Variants in TYW1 observed in about 807,000 individuals in gnomAD.
The protein encoded by TYW1 is tRNA-yW synthesizing protein 1 homolog.
TYW1 carries 46 observed loss-of-function variants against 96.2 expected under a neutral mutation model. The observed-to-expected ratio is 0.48, with a 90% CI of 0.38 to 0.61. The LOEUF is 0.61. Among genes scored for constraint, TYW1 ranks in the 20% least tolerant of loss-of-function variants. TYW1 has a pLI of 0.00. For synonymous variants in TYW1, 274 were observed against 323.0 expected, an observed-to-expected ratio of 0.85 and a Z score of 1.63; for missense variants, 684 against 909.6, an observed-to-expected ratio of 0.75 and a Z score of 3.19.
At chr7:67,089,808 A>G (rs1365354595) in intron 11 of TYW1, among the ~76,000 whole-genome samples, 1 of 152,196 alleles carries the variant, frequency 6.6e-6, no homozygotes, top group Non-Finnish European at 1.5e-5. Flanking sequence ...TTTTATATAC[A>G]TACAAAATTA....
At position 67,021,865 on chromosome 7, in the gene TYW1, A is replaced by G. The variant is rs561481295; in HGVS notation, c.862-3035A>G. Among the ~76,000 whole-genome samples the G allele has an allele frequency of 9.6e-4, 146 of 152,360 alleles. 4 individuals are homozygous for G. In the South Asian group the frequency reaches 0.03, roughly 31 times the overall value. ...TTGAGTCTAAGGAGAAGTTATCAAG[A>G]AGAGTCTAGGACAAGGACCAGCAAA... On this transcript the variant is annotated intron_variant, in intron 6 of 15. Transcript: ENST00000359626.
intron 11 of TYW1, 25 bp downstream of exon 11, chr7:67,083,564 A>T (rs376238583): frequency 6.2e-7 from 1 of 1,612,268 alleles, no homozygotes; most frequent in Non-Finnish European, 8.5e-7. Flanking sequence ...TCTACAAAGG[A>T]ATGCTAATAC....
At chr7:67,124,415 A>G (rs1797857808) in intron 13 of TYW1, among the ~76,000 whole-genome samples, 3 of 151,744 alleles carry the variant, frequency 2.0e-5, no homozygotes, top group Admixed American at 2.0e-4. Flanking sequence ...TTTTTTTTTG[A>G]GAGATGGGGT....
At chr7:67,174,436 A>G (rs1438291086) in intron 13 of TYW1, among the ~76,000 whole-genome samples, 1 of 151,198 alleles carries the variant, frequency 6.6e-6, no homozygotes, top group Admixed American at 6.6e-5. Context: ...AAATTTGCCA[A>G]GAGCTGCCAA....
chr7:67,077,652 T>C (rs932514560), intron 10 of TYW1, among the ~76,000 whole-genome samples: 1 of 152,004 alleles, frequency 6.6e-6, no homozygotes, highest in African/African-American at 2.4e-5. Flanking sequence ...ATCCCTTGTT[T>C]GATGAATGGT....
intron 13 of TYW1, among the ~76,000 whole-genome samples, chr7:67,182,908 AAT>A (rs1036088331): frequency 2.1e-4 from 32 of 151,736 alleles, no homozygotes; most frequent in Admixed American, 1.6e-3. Flanking sequence ...AGAGAAAATA[AAT>A]ATGTCAGTAT....
rs567750785 is a variant in TYW1 at position 67,007,825 on chromosome 7, G to A, written c.274-1758G>A. Among the ~76,000 whole-genome samples, 5 of 152,090 alleles carry A rather than the reference G, an allele frequency of 3.3e-5. No homozygotes were observed. In the South Asian group the frequency reaches 8.3e-4, roughly 25 times the overall value. On this transcript the variant is annotated intron_variant, in intron 3 of 15. Coordinates refer to ENST00000359626, the MANE Select transcript of TYW1 (RefSeq NM_018264.4). Reference sequence around the variant, plus strand: ...AATTTTTGTATTTTTAGTAGAGATGGGGTTTCACCATGTTGGTCTGGCTGG... The same window carrying A: ...AATTTTTGTATTTTTAGTAGAGATGAGGTTTCACCATGTTGGTCTGGCTGG...
At chr7:66,999,271 G>C (rs1362133233) in intron 3 of TYW1, among the ~76,000 whole-genome samples, 1 of 152,186 alleles carries the variant, frequency 6.6e-6, no homozygotes, top group Non-Finnish European at 1.5e-5. Flanking sequence ...ATGCCCATGG[G>C]TATGGAAGTA....
At chr7:67,120,189 C>T (rs1797719258) in intron 13 of TYW1, among the ~76,000 whole-genome samples, 1 of 151,986 alleles carries the variant, frequency 6.6e-6, no homozygotes, top group African/African-American at 2.4e-5. Context: ...TCAAGTGATT[C>T]TCATGCCTCA....
chr7:67,190,962 AC>A, intron 14 of TYW1, among the ~76,000 whole-genome samples: 1 of 152,276 alleles, frequency 6.6e-6, no homozygotes, highest in East Asian at 1.9e-4. Context: ...AGTGAGGAAG[AC>A]TTTATGGCCC....
intron 15 of TYW1, among the ~76,000 whole-genome samples, chr7:67,207,681 CT>C (rs11286327): frequency 0.15 from 17,641 of 116,386 alleles, 1,501 homozygotes; most frequent in East Asian, 0.28. Flanking sequence ...TTTTGTTTGC[CT>C]TTTTTTTTTT....
intron 14 of TYW1, among the ~76,000 whole-genome samples, chr7:67,194,213 A>T (rs1180358894): frequency 1.3e-5 from 2 of 152,194 alleles, no homozygotes; most frequent in South Asian, 4.1e-4. Flanking sequence ...TTGGTGAAAT[A>T]CATGTGTATA....
chr7:67,051,885 C>T (rs1437970622), intron 8 of TYW1, among the ~76,000 whole-genome samples: 1 of 152,058 alleles, frequency 6.6e-6, no homozygotes, highest in Non-Finnish European at 1.5e-5. Flanking sequence ...ATCACTGTGT[C>T]TTCAAGTTCA....
In TYW1 at chr7:67,234,363, AAAAG is replaced by A. The variant is rs1801822576; in HGVS notation, c.1978-3944_1978-3941del. 2.6e-5 allele frequency among the ~76,000 whole-genome samples: 4 copies of A among 151,056 alleles called. No homozygotes were observed. The South Asian group carries it at 8.4e-4, about 32-fold the overall frequency. On this transcript the variant is annotated intron_variant, in intron 15 of 15. Coordinates refer to ENST00000359626, the MANE Select transcript of TYW1 (RefSeq NM_018264.4). ...ACCTATCTCTTAAAAAAAAAAAAAA[AAAAG>A]GAAGAAGAGACATGAGAGGGCCCAA...
chr7:67,209,633 C>T (rs943365698), intron 15 of TYW1, among the ~76,000 whole-genome samples: 6 of 152,104 alleles, frequency 3.9e-5, no homozygotes, highest in African/African-American at 1.4e-4. Context: ...AGTGCAGTGG[C>T]GCGATCTCAG....
chr7:67,068,902 G>A (rs3980723), intron 10 of TYW1, among the ~76,000 whole-genome samples: 2 of 152,118 alleles, frequency 1.3e-5, no homozygotes, highest in Non-Finnish European at 2.9e-5. Flanking sequence ...GGCCCAGACT[G>A]GACATTTCTT....
At chr7:67,070,073 A>G (rs1795986538) in intron 10 of TYW1, among the ~76,000 whole-genome samples, 1 of 152,274 alleles carries the variant, frequency 6.6e-6, no homozygotes, top group South Asian at 2.1e-4. Flanking sequence ...TCTGGCCTCC[A>G]TGGTTTCTGC....
chr7:67,082,713 G>C (rs145116834), intron 10 of TYW1, among the ~76,000 whole-genome samples: 1 of 152,222 alleles, frequency 6.6e-6, no homozygotes, highest in Non-Finnish European at 1.5e-5. Context: ...TGTCTGTCTT[G>C]GGGGTGGTCT....
chr7:67,119,596 G>T (rs1226382558), intron 13 of TYW1, among the ~76,000 whole-genome samples: 5 of 152,096 alleles, frequency 3.3e-5, no homozygotes, highest in African/African-American at 4.8e-5. Flanking sequence ...CCAGTTTTGT[G>T]ATTACTATAC....
Sources: allele counts gnomAD v4.1 joint callset (sites outside exome capture counted in the v4.1 genomes callset), GRCh38; gene constraint gnomAD v4.1.1; transcripts MANE v1.5; gene names NCBI Gene and HGNC (gene_info 2026-07-23, HGNC 2026-07-21).